SPRY3: variants seen among roughly 807,000 people sequenced by gnomAD.
SPRY3 encodes the protein protein sprouty homolog 3.
Under a neutral mutation model 20.2 loss-of-function variants are expected in SPRY3, and 15 were observed. The ratio of observed to expected loss-of-function variants is 0.74; its 90% confidence interval spans 0.50 to 1.14. The LOEUF is 1.14. Among genes scored for constraint, SPRY3 ranks in the 50% most tolerant of loss-of-function variants. SPRY3 has a pLI of 0.00. For missense variants in SPRY3, 364 were observed against 363.9 expected (o/e 1.00, Z 0.00); for synonymous variants, 143 against 136.5 (o/e 1.05, Z -0.33).
intron 2 of SPRY3, among the ~76,000 whole-genome samples, chrX:155,727,088 C>G (rs917954751): frequency 3.3e-5 from 5 of 152,162 alleles, no homozygotes; most frequent in African/African-American, 1.2e-4. Context: ...ATAAGAAACT[C>G]TGGGTTGAAA....
At chrX:155,767,350 A>G (rs2091338935) in intron 2 of SPRY3, among the ~76,000 whole-genome samples, 1 of 152,066 alleles carries the variant, frequency 6.6e-6, no homozygotes, top group Non-Finnish European at 1.5e-5. Flanking sequence ...CAGCTAGCTA[A>G]GCTGAACACA....
At chrX:155,764,967 C>G (rs948364332) in intron 2 of SPRY3, among the ~76,000 whole-genome samples, 1 of 152,104 alleles carries the variant, frequency 6.6e-6, no homozygotes, top group Non-Finnish European at 1.5e-5. Flanking sequence ...TGGGGGAGTC[C>G]GACTTCCTCA....
chrX:155,649,852 C>T (rs1330834047), intron 1 of SPRY3, among the ~76,000 whole-genome samples: 17 of 111,329 alleles, frequency 1.5e-4, no homozygotes, highest in African/African-American at 4.6e-4. Flanking sequence ...CATGACATGA[C>T]TTTATATTTA....
chrX:155,768,333 A>G (rs2091358330), intron 3 of SPRY3, among the ~76,000 whole-genome samples, 197 bp downstream of exon 2: 1 of 152,212 alleles, frequency 6.6e-6, no homozygotes, highest in South Asian at 2.1e-4. Context: ...CTCTCGCAGA[A>G]AACTATCCAC....
rs2091388182 is a variant in SPRY3, at chrX:155,772,701, A to T, written c.-106-1065A>T. ...CATTATCAGTTCTAGGCTTGGTAAA[A>T]TCCTTCAGGGAATGACCAACCACCT... On this transcript the variant is annotated intron_variant, in intron 3 of 3. Transcript: ENST00000675360. 2.6e-5 allele frequency among the ~76,000 whole-genome samples: 4 copies of T among 151,992 alleles called. No homozygotes were observed. The South Asian group carries it at 8.3e-4, about 32-fold the overall frequency.
rs961746137 is a variant in SPRY3, at chrX:155,774,158, A to T, written c.287A>T (p.Asp96Val). The change falls in exon 4 of 4, where the codon GAT becomes GTT. Residue 96 changes from aspartate to valine, a missense_variant. Transcript: ENST00000675360. ...ATGTCCCATAGCACCACTGCCTCTG[A>T]TCAAAGGCTCTTGGCCAGCATTACA... 1 of 1,613,820 alleles carries T rather than the reference A, an allele frequency of 6.2e-7. No homozygotes were observed. The highest frequency in any genetic ancestry group is 8.5e-7 in the Non-Finnish European group (1 of 1,179,864).
At chrX:155,657,426 G>A (rs1288361124) in intron 2 of SPRY3, among the ~76,000 whole-genome samples, 9 of 111,830 alleles carry the variant, frequency 8.0e-5, no homozygotes, top group African/African-American at 2.9e-4. Context: ...GGGGAAAACT[G>A]CCTACTCAAA....
intron 2 of SPRY3, among the ~76,000 whole-genome samples, chrX:155,737,193 G>A (rs924588445): frequency 4.6e-5 from 7 of 152,006 alleles, no homozygotes; most frequent in Non-Finnish European, 1.5e-5. Flanking sequence ...CTGCATCCAA[G>A]TGTGGCTGTG....
At chrX:155,729,837 C>T (rs748474867) in intron 2 of SPRY3, among the ~76,000 whole-genome samples, 17 of 151,770 alleles carry the variant, frequency 1.1e-4, no homozygotes, top group Admixed American at 7.9e-4. Context: ...AAAAGATAGA[C>T]GATGCAAATA....
exon 4 of SPRY3, chrX:155,776,106 G>A (rs947044902): frequency 6.0e-6 from 1 of 167,064 alleles, no homozygotes; most frequent in Non-Finnish European, 1.5e-5. Flanking sequence ...TCTATTAACA[G>A]TGACAGAAAG....
exon 4 of SPRY3, chrX:155,774,392 G>T: frequency 4.3e-6 from 7 of 1,614,042 alleles, no homozygotes; most frequent in Non-Finnish European, 5.9e-6. Context: ...AACCAGCGCT[G>T]CCTTTGCTCT....
chrX:155,717,235 C>G (rs2091029560), intron 2 of SPRY3, among the ~76,000 whole-genome samples: 1 of 150,938 alleles, frequency 6.6e-6, no homozygotes, highest in Non-Finnish European at 1.5e-5. Flanking sequence ...TTGTTATCTT[C>G]CCAATCAGCC....
intron 2 of SPRY3, among the ~76,000 whole-genome samples, chrX:155,672,863 C>A (rs1398183885): frequency 1.8e-4 from 19 of 104,809 alleles, no homozygotes; most frequent in Admixed American, 1.6e-3. Flanking sequence ...GGCACATATA[C>A]ACCATGGAAT....
chrX:155,710,488 A>G (rs188300581), intron 2 of SPRY3, among the ~76,000 whole-genome samples: 3 of 151,668 alleles, frequency 2.0e-5, no homozygotes, highest in African/African-American at 7.2e-5. Flanking sequence ...TAGTAATGCC[A>G]TTGAGTTTTG....
intron 1 of SPRY3, among the ~76,000 whole-genome samples, chrX:155,642,471 ATTTG>A (rs1190750556): frequency 1.1e-4 from 12 of 110,672 alleles, no homozygotes; most frequent in African/African-American, 3.9e-4. Context: ...TTCATTTCAA[ATTTG>A]TTTCTTTATC....
intron 2 of SPRY3, among the ~76,000 whole-genome samples, chrX:155,722,429 G>A (rs1432005495): frequency 6.6e-6 from 1 of 152,158 alleles, no homozygotes; most frequent in East Asian, 1.9e-4. Context: ...GCTGAGGCAG[G>A]AGAATCACTT....
chrX:155,629,351 G>A (rs1204232448), intron 1 of SPRY3, among the ~76,000 whole-genome samples: 12 of 110,295 alleles, frequency 1.1e-4, no homozygotes, highest in Non-Finnish European at 2.1e-4. Context: ...CTTTTTTATG[G>A]CTGCATAGTA....
intron 2 of SPRY3, among the ~76,000 whole-genome samples, chrX:155,668,804 T>G (rs1207801986): frequency 9.1e-6 from 1 of 110,329 alleles, no homozygotes; most frequent in African/African-American, 3.3e-5. Flanking sequence ...AATATTCCAG[T>G]CACTATGTTC....
intron 2 of SPRY3, among the ~76,000 whole-genome samples, chrX:155,736,720 C>T (rs1034741309): frequency 3.3e-5 from 5 of 151,980 alleles, no homozygotes; most frequent in African/African-American, 9.7e-5. Context: ...AGCTTCTTTG[C>T]ATCTGTGGTT....
Sources: allele counts gnomAD v4.1 joint callset (sites outside exome capture counted in the v4.1 genomes callset), GRCh38; gene constraint gnomAD v4.1.1; transcripts MANE v1.5; gene names NCBI Gene and HGNC (gene_info 2026-07-23, HGNC 2026-07-21).